The following CHST9 variants were observed in gnomAD, a reference collection of about 807,000 sequenced individuals.
CHST9 encodes the protein GalNAc-4-sulfotransferase 2.
In CHST9, 41 loss-of-function variants were observed where a neutral mutation model predicts 44.4. That is an observed-to-expected ratio of 0.92 (90% CI 0.72 to 1.20). The LOEUF is 1.20. Among genes scored for constraint, CHST9 ranks in the 50% most tolerant of loss-of-function variants. The pLI is 0.00. For synonymous variants in CHST9, 171 were observed against 178.4 expected, an observed-to-expected ratio of 0.96 and a Z score of 0.33; for missense variants, 504 against 516.5, an observed-to-expected ratio of 0.98 and a Z score of 0.23.
At chr18:26,990,909 A>G (rs77508610) in intron 4 of CHST9, among the ~76,000 whole-genome samples, 1 of 151,924 alleles carries the variant, frequency 6.6e-6, no homozygotes, top group Admixed American at 6.6e-5. Flanking sequence ...TTTTTCTTCA[A>G]CATGCTTGCT....
At chr18:27,158,982 T>G (rs1456486263) in intron 1 of CHST9, among the ~76,000 whole-genome samples, 1 of 152,272 alleles carries the variant, frequency 6.6e-6, no homozygotes, top group Non-Finnish European at 1.5e-5. Context: ...TAGATTTGTT[T>G]GAGTTCTTTG....
intron 1 of CHST9, among the ~76,000 whole-genome samples, chr18:27,151,799 C>T (rs1032906569): frequency 6.6e-6 from 1 of 152,126 alleles, no homozygotes; most frequent in South Asian, 2.1e-4. Context: ...CAGAAGGGAC[C>T]GCAGTCCTGC....
Position 27,052,252 on chromosome 18 carries a change from G to A in CHST9, c.122-3749C>T, listed in dbSNP as rs188855231. Among the ~76,000 whole-genome samples the A allele has an allele frequency of 6.2e-3, 931 of 149,866 alleles. 1 individual carries two copies. Among genetic ancestry groups the A allele is most frequent in the Non-Finnish European group, 9.5e-3 (639 of 67,400 alleles). ...TGTATGTGTGTATATATAGGTGTGT[G>A]TGTATATATATATGTGTATATATAT... On this transcript the variant is annotated intron_variant, in intron 2 of 5. Transcript: ENST00000618847.
chr18:27,139,053 C>T (rs540471834), intron 2 of CHST9, among the ~76,000 whole-genome samples: 89 of 152,244 alleles, frequency 5.8e-4, no homozygotes, highest in African/African-American at 2.1e-3. Flanking sequence ...CTTCTCTTTA[C>T]TTCCAAAAAA....
chr18:27,146,778 A>C (rs904121760), intron 1 of CHST9, among the ~76,000 whole-genome samples: 1 of 152,140 alleles, frequency 6.6e-6, no homozygotes, highest in Non-Finnish European at 1.5e-5. Flanking sequence ...CTTAGTCCTA[A>C]CCTCCAAATG....
intron 4 of CHST9, among the ~76,000 whole-genome samples, chr18:26,996,038 G>A (rs183852985): frequency 6.6e-4 from 100 of 152,194 alleles, no homozygotes; most frequent in African/African-American, 2.1e-3. Flanking sequence ...TTCTTTACTC[G>A]TTGCTTACAT....
At chr18:27,171,693 A>G (rs2058834789) in intron 1 of CHST9, among the ~76,000 whole-genome samples, 1 of 152,224 alleles carries the variant, frequency 6.6e-6, no homozygotes, top group Non-Finnish European at 1.5e-5. Context: ...AAATACCACA[A>G]AAGGCAAAAC....
intron 4 of CHST9, among the ~76,000 whole-genome samples, chr18:26,981,550 A>G (rs2056692235): frequency 6.6e-6 from 1 of 152,214 alleles, no homozygotes; most frequent in African/African-American, 2.4e-5. Flanking sequence ...TCAGGAATAC[A>G]TGTGCAATCC....
At chr18:27,057,732 A>G (rs2057674005) in intron 2 of CHST9, among the ~76,000 whole-genome samples, 1 of 152,246 alleles carries the variant, frequency 6.6e-6, no homozygotes, top group South Asian at 2.1e-4. Flanking sequence ...CTGACTCTCC[A>G]TCTGCACTCC....
In CHST9 at chr18:27,053,259, AAGGAGAAGGAGAAGGAGAAGG is replaced by A. The variant is rs1424545718; in HGVS notation, c.122-4777_122-4757del. 1.8e-3 allele frequency among the ~76,000 whole-genome samples: 131 copies of A among 70,884 alleles called. 1 individual carries two copies. Among genetic ancestry groups the A allele is most frequent in the Admixed American group, 2.4e-3 (16 of 6,744 alleles). 46.5% of individuals were successfully genotyped at this position (70,884 alleles called of 152,430 possible). On this transcript the variant is annotated intron_variant, in intron 2 of 5. Coordinates refer to ENST00000618847, the MANE Select transcript of CHST9 (RefSeq NM_031422.6). ...GAAGAAGAAGAAGAAGAAGAAGAAG[AAGGAGAAGGAGAAGGAGAAGG>A]AGAAGGAGAAGGAGAAGGAGAAGGA...
intron 2 of CHST9, among the ~76,000 whole-genome samples, chr18:27,068,460 C>A (rs1489968950): frequency 6.6e-6 from 1 of 152,048 alleles, no homozygotes; most frequent in Non-Finnish European, 1.5e-5. Context: ...TAATTCATAT[C>A]ATTATATAAG....
chr18:27,041,307 G>C (rs62082103), intron 3 of CHST9, among the ~76,000 whole-genome samples: 20,718 of 152,190 alleles, frequency 0.14, 1,873 homozygotes, highest in Non-Finnish European at 0.21. Context: ...GAAGATGAAA[G>C]TGTAAAGTAA....
chr18:26,908,561 GAAGT>G lies in CHST9; in HGVS notation c.*7694_*7697del, dbSNP rs1280496316. ...AAAGAAGAAAAATGCAAAGAGAAAA[GAAGT>G]AATTTTTAAATAAATAAATAAAAAA... On this transcript the variant is annotated 3_prime_UTR_variant, in exon 6 of 6. Transcript: ENST00000618847. 1.3e-5 allele frequency: 2 copies of G among 152,128 alleles called. No individual in the cohort carries two copies. The highest frequency in any genetic ancestry group is 2.9e-5 in the Non-Finnish European group (2 of 68,014). The allele number at this position is 152,128 out of a possible 1,614,324, so 9.4% of individuals were successfully genotyped here. A position where few individuals can be genotyped will look rare whatever the true frequency, so the allele number is the denominator to read the frequency against.
At chr18:27,052,864 T>C (rs112706062) in intron 2 of CHST9, among the ~76,000 whole-genome samples, 3,692 of 151,154 alleles carry the variant, frequency 0.024, 61 homozygotes, top group African/African-American at 0.039. Context: ...CCAGTGGGAG[T>C]TGAACAATGA....
chr18:26,956,975 C>G (rs1384006454), intron 4 of CHST9, among the ~76,000 whole-genome samples: 1 of 152,140 alleles, frequency 6.6e-6, no homozygotes, highest in Non-Finnish European at 1.5e-5. Flanking sequence ...GACAGCTGGT[C>G]TTGAGAATTA....
chr18:27,144,873 C>T lies in CHST9; in HGVS notation c.-96-1968G>A, dbSNP rs551518389. On this transcript the variant is annotated intron_variant, in intron 1 of 5. Transcript: ENST00000618847. The stretch of plus-strand genomic sequence containing the variant: ...CCCTCCTGTCAACCCTGCGTTTCTA[C>T]AGTCCTTAAGGCTGGCTGGCATTTC... Among the ~76,000 whole-genome samples the T allele has an allele frequency of 2.2e-4, 34 of 152,124 alleles. No homozygotes were observed. In the South Asian group the frequency reaches 4.2e-3, roughly 19 times the overall value.
chr18:27,013,676 A>G (rs1173819310), intron 4 of CHST9, among the ~76,000 whole-genome samples: 2 of 152,202 alleles, frequency 1.3e-5, no homozygotes, highest in Non-Finnish European at 2.9e-5. Flanking sequence ...TCTCTTTTGC[A>G]TATATTAGCA....
At chr18:27,088,377 C>T (rs1214607219) in intron 2 of CHST9, among the ~76,000 whole-genome samples, 1 of 150,516 alleles carries the variant, frequency 6.6e-6, no homozygotes, top group African/African-American at 2.4e-5. Context: ...ACTGCATTTC[C>T]AATTATTAAC....
intron 5 of CHST9, among the ~76,000 whole-genome samples, chr18:26,923,810 A>G (rs2055708418): frequency 6.6e-6 from 1 of 152,232 alleles, no homozygotes; most frequent in South Asian, 2.1e-4. Flanking sequence ...TTGGAAAACA[A>G]AGAAAAAAGT....
Sources: allele counts gnomAD v4.1 joint callset (sites outside exome capture counted in the v4.1 genomes callset), GRCh38; gene constraint gnomAD v4.1.1; transcripts MANE v1.5; gene names NCBI Gene and HGNC (gene_info 2026-07-23, HGNC 2026-07-21).